Variants in S100A8 observed in about 807,000 individuals in gnomAD.
S100A8 encodes the protein protein S100-A8.
A neutral mutation model predicts 4.2 loss-of-function variants in S100A8; 1 was observed. The ratio of observed to expected loss-of-function variants is 0.24; its 90% confidence interval spans 0.08 to 1.12. S100A8 has a LOEUF of 1.12. Ranked by LOEUF, S100A8 falls within the 50% of genes most tolerant of loss-of-function variation. S100A8 has a pLI of 0.53. For missense variants in S100A8, 96 were observed against 111.8 expected, an observed-to-expected ratio of 0.86 and a Z score of 0.64; for synonymous variants, 41 against 44.7, an observed-to-expected ratio of 0.92 and a Z score of 0.33.
chr1:153,407,473 C>A, the S100A8 span, among the ~76,000 whole-genome samples: 11 of 152,206 alleles, frequency 7.2e-5, no homozygotes, highest in African/African-American at 2.7e-4. Flanking sequence ...AGCCAGGAAG[C>A]GCGAACTGGG....
At chr1:153,396,844 G>A in the S100A8 span, 4 of 152,398 alleles carry the variant, frequency 2.6e-5, no homozygotes, top group African/African-American at 7.2e-5. Context: ...CCCACTGGGA[G>A]GGGATGGGGT....
At chr1:153,413,779 T>A in the S100A8 span, among the ~76,000 whole-genome samples, 1 of 152,076 alleles carries the variant, frequency 6.6e-6, no homozygotes, top group Non-Finnish European at 1.5e-5. Context: ...CAGGCGCCTA[T>A]AATCCCAGCT....
intron 1 of S100A8, 108 bp downstream of exon 1, chr1:153,390,933 A>T: frequency 9.6e-6 from 8 of 836,156 alleles, no homozygotes; most frequent in Non-Finnish European, 1.2e-5. Flanking sequence ...TCTTTGCTCC[A>T]GACCTCCCTG....
chr1:153,397,220 A>T, the S100A8 span, among the ~76,000 whole-genome samples: 12 of 152,218 alleles, frequency 7.9e-5, no homozygotes, highest in Admixed American at 5.9e-4. Context: ...CCAAGAGCAG[A>T]GTCGACCTGG....
chr1:153,420,322 C>G, the S100A8 span: 1 of 152,320 alleles, frequency 6.6e-6, no homozygotes, highest in South Asian at 2.1e-4. Context: ...CAGGCCACAA[C>G]ACAGGGTCAG....
upstream of S100A8, among the ~76,000 whole-genome samples, chr1:153,391,921 C>G (rs1357592879): frequency 6.6e-6 from 1 of 152,064 alleles, no homozygotes; most frequent in African/African-American, 2.4e-5. Context: ...TTTGGAGAAG[C>G]CAGACGCGCT....
Position 153,390,558 on chromosome 1 carries a change from C to A in S100A8, c.-22-1G>T. ...CATGATGCCCACGGACTTGCCCCACCTGAAAAACAGAACCTTCTGGGGAAT... is the reference window on the plus strand; with the variant it reads ...CATGATGCCCACGGACTTGCCCCACATGAAAAACAGAACCTTCTGGGGAAT... On this transcript the variant is annotated splice_acceptor_variant, in intron 1 of 2. Coordinates refer to ENST00000368733, the MANE Select transcript of S100A8 (RefSeq NM_002964.5). LOFTEE classifies it low-confidence loss of function (5UTR_SPLICE). 2 of 1,613,792 alleles carry A rather than the reference C, an allele frequency of 1.2e-6. No individual in the cohort carries two copies. The highest frequency in any genetic ancestry group is 1.7e-6 in the Non-Finnish European group (2 of 1,179,816).
At chr1:153,393,191 T>C (rs1374862402), upstream of S100A8, among the ~76,000 whole-genome samples, 1 of 152,162 alleles carries the variant, frequency 6.6e-6, no homozygotes, top group Non-Finnish European at 1.5e-5. Flanking sequence ...TCCTCACCAT[T>C]CCTGATCCAG....
the S100A8 span, among the ~76,000 whole-genome samples, chr1:153,407,242 A>G: frequency 5.7e-3 from 874 of 152,356 alleles, 7 homozygotes; most frequent in African/African-American, 0.021. Context: ...GACAGACGGC[A>G]CCTGGAAAAT....
the S100A8 span, among the ~76,000 whole-genome samples, chr1:153,405,175 T>C: frequency 1.3e-5 from 2 of 151,860 alleles, no homozygotes; most frequent in East Asian, 3.9e-4. Context: ...GGAATGATCA[T>C]TGCCAACTTG....
the S100A8 span, among the ~76,000 whole-genome samples, chr1:153,405,034 T>C: frequency 6.6e-6 from 1 of 151,748 alleles, no homozygotes. Context: ...GCCCTTACAG[T>C]GTAAGTCAGA....
the S100A8 span, chr1:153,416,407 A>G: frequency 3.5e-6 from 1 of 281,696 alleles, no homozygotes; most frequent in African/African-American, 2.3e-5. Flanking sequence ...TGTCCCACAC[A>G]CCTGATATGG....
At chr1:153,399,854 A>G in the S100A8 span, among the ~76,000 whole-genome samples, 1 of 152,212 alleles carries the variant, frequency 6.6e-6, no homozygotes, top group South Asian at 2.1e-4. Context: ...GACAGAGGAT[A>G]TGGCACAGGC....
At chr1:153,415,900 AG>A in the S100A8 span, among the ~76,000 whole-genome samples, 4 of 152,214 alleles carry the variant, frequency 2.6e-5, no homozygotes, top group Admixed American at 2.6e-4. Flanking sequence ...CCTATAGCAC[AG>A]GGGATAAGAG....
chr1:153,413,444 G>A, the S100A8 span, among the ~76,000 whole-genome samples: 7 of 152,268 alleles, frequency 4.6e-5, no homozygotes, highest in South Asian at 2.1e-4. Context: ...GCATCTGCCC[G>A]CCCTGCTCTG....
chr1:153,420,658 C>T, the S100A8 span: 1 of 152,306 alleles, frequency 6.6e-6, no homozygotes, highest in Admixed American at 6.5e-5. Flanking sequence ...CCTCGTCAGC[C>T]TTCAGGACTG....
the S100A8 span, among the ~76,000 whole-genome samples, chr1:153,410,138 A>T: frequency 6.6e-6 from 1 of 152,218 alleles, no homozygotes; most frequent in Non-Finnish European, 1.5e-5. Flanking sequence ...TCAGAGCAGA[A>T]CTGAAGGAGA....
chr1:153,409,383 G>A, the S100A8 span, among the ~76,000 whole-genome samples: 1 of 152,120 alleles, frequency 6.6e-6, no homozygotes, highest in Non-Finnish European at 1.5e-5. Flanking sequence ...GACAAAGAAG[G>A]CCATTACATA....
At chr1:153,393,310 G>A (rs1244226709), upstream of S100A8, among the ~76,000 whole-genome samples, 2 of 152,128 alleles carry the variant, frequency 1.3e-5, no homozygotes, top group African/African-American at 4.8e-5. Flanking sequence ...ACCCATCACA[G>A]CATTTGCCCT....
Sources: gnomAD v4.1 joint callset for allele counts (sites outside exome capture counted in the v4.1 genomes callset) on GRCh38, gnomAD v4.1.1 for gene constraint, MANE v1.5 for transcripts, NCBI Gene and HGNC (gene_info 2026-07-23, HGNC 2026-07-21) for gene names.